AGO3: variants seen among roughly 807,000 people sequenced by gnomAD.
AGO3 encodes argonaute RISC catalytic component 3, also known as protein argonaute-3.
In AGO3, 16 loss-of-function variants were observed where a neutral mutation model predicts 105.5. That is an observed-to-expected ratio of 0.15 (90% CI 0.10 to 0.23). The LOEUF is 0.23. AGO3 is among the 10% of genes least tolerant of loss of function. AGO3 has a pLI of 1.00. For missense variants in AGO3, 534 were observed against 1,088.0 expected, an observed-to-expected ratio of 0.49 and a Z score of 7.16; for synonymous variants, 340 against 367.3, an observed-to-expected ratio of 0.93 and a Z score of 0.85.
At position 36,055,794 on chromosome 1, in the gene AGO3, ATACAACG is replaced by A; in HGVS notation, c.*52_*58del. The A allele has an allele frequency of 6.3e-7, 1 of 1,585,198 alleles. No homozygotes were observed. Among genetic ancestry groups the A allele is most frequent in the African/African-American group, 1.3e-5 (1 of 74,456 alleles). On this transcript the variant is annotated 3_prime_UTR_variant, in exon 19 of 19. Coordinates refer to ENST00000373191, the MANE Select transcript of AGO3 (RefSeq NM_024852.4). The surrounding 1 kb of genome is among the most constrained non-coding windows in gnomAD (Gnocchi z 4.4). ...AGGAAGTACTGAAAGATGAATTGAC[ATACAACG>A]TATGTTTCCAGTGAAGTCAATTGAG...
intron 5 of AGO3, among the ~76,000 whole-genome samples, chr1:35,987,938 C>T (rs1294868300): frequency 1.3e-5 from 2 of 151,420 alleles, no homozygotes; most frequent in Non-Finnish European, 3.0e-5. Flanking sequence ...CATGGTGGCG[C>T]ACACCTGTAA....
Position 36,033,092 on chromosome 1 carries a change from C to T in AGO3, c.1592-1082C>T, listed in dbSNP as rs186787754. Reference sequence around the variant, plus strand: ...AGGTTGCAGTGAACCGAGATTGCGCCGTTGCACTCCAGCCCTGGGCAACAA... The same window carrying T: ...AGGTTGCAGTGAACCGAGATTGCGCTGTTGCACTCCAGCCCTGGGCAACAA... On this transcript the variant is annotated intron_variant, in intron 12 of 18. Coordinates refer to ENST00000373191, the MANE Select transcript of AGO3 (RefSeq NM_024852.4). Among the ~76,000 whole-genome samples, 1,033 of 152,014 alleles carry T rather than the reference C, an allele frequency of 6.8e-3. 8 individuals carry two copies. Among genetic ancestry groups the T allele is most frequent in the African/African-American group, 0.023 (963 of 41,454 alleles).
chr1:35,970,194 C>CTTAG (rs1179935692), intron 3 of AGO3, among the ~76,000 whole-genome samples: 1 of 152,130 alleles, frequency 6.6e-6, no homozygotes, highest in Non-Finnish European at 1.5e-5. Flanking sequence ...GGTATATGTG[C>CTTAG]TTCTAAGCCC....
intron 5 of AGO3, among the ~76,000 whole-genome samples, chr1:36,003,726 ATATATATATATATG>A (rs1445085957): frequency 7.0e-6 from 1 of 142,592 alleles, no homozygotes; most frequent in East Asian, 2.0e-4. Context: ...ATATATATAT[ATATATATATATATG>A]TATATTTGTA....
At chr1:35,940,286 T>G (rs1243935707) in intron 1 of AGO3, among the ~76,000 whole-genome samples, 1 of 152,106 alleles carries the variant, frequency 6.6e-6, no homozygotes, top group African/African-American at 2.4e-5. Context: ...AGGCTGGTCT[T>G]GAACTCCTGA....
At chr1:36,035,099 G>A (rs1359992327) in intron 13 of AGO3, among the ~76,000 whole-genome samples, 1 of 152,132 alleles carries the variant, frequency 6.6e-6, no homozygotes, top group Non-Finnish European at 1.5e-5. Context: ...ATGTTTGTTT[G>A]ACACAAAAGT....
At chr1:35,942,268 T>C (rs1646269843) in intron 1 of AGO3, among the ~76,000 whole-genome samples, 1 of 152,230 alleles carries the variant, frequency 6.6e-6, no homozygotes, top group East Asian at 1.9e-4. Context: ...CTCATTCTTT[T>C]GATATATTGT....
intron 17 of AGO3, among the ~76,000 whole-genome samples, chr1:36,044,553 A>G (rs1373371397): frequency 1.3e-5 from 2 of 151,974 alleles, no homozygotes; most frequent in Non-Finnish European, 2.9e-5. Flanking sequence ...CCTCCCTAGT[A>G]GCTGGGATTA....
At chr1:36,019,352 A>G (rs890318970) in intron 11 of AGO3, among the ~76,000 whole-genome samples, 7 of 152,214 alleles carry the variant, frequency 4.6e-5, no homozygotes, top group Non-Finnish European at 1.0e-4. Flanking sequence ...TTTGTCATCA[A>G]TCTGAAACAT....
chr1:36,034,398 T>C, intron 13 of AGO3, 65 bp downstream of exon 13: 1 of 1,224,746 alleles, frequency 8.2e-7, no homozygotes, highest in South Asian at 2.1e-5. Context: ...TATATGACCA[T>C]ATCTAACTAC....
intron 12 of AGO3, among the ~76,000 whole-genome samples, chr1:36,030,863 T>C (rs1641742198): frequency 6.6e-6 from 1 of 152,224 alleles, no homozygotes; most frequent in Non-Finnish European, 1.5e-5. Flanking sequence ...TAAAAATTTT[T>C]GTAGTGTTTT....
chr1:36,037,476 A>G (rs1015189755), intron 14 of AGO3, among the ~76,000 whole-genome samples: 1 of 152,170 alleles, frequency 6.6e-6, no homozygotes, highest in African/African-American at 2.4e-5. Flanking sequence ...AGCTGAAATC[A>G]TGCCACTGCA....
intron 17 of AGO3, among the ~76,000 whole-genome samples, chr1:36,053,077 C>A (rs1188948110): frequency 6.6e-6 from 1 of 152,084 alleles, no homozygotes; most frequent in African/African-American, 2.4e-5. Context: ...TTAAAAATCA[C>A]AGAGGAGAAA....
At chr1:35,977,822 T>C (rs1188902324) in intron 5 of AGO3, among the ~76,000 whole-genome samples, 1 of 152,206 alleles carries the variant, frequency 6.6e-6, no homozygotes, top group Non-Finnish European at 1.5e-5. Flanking sequence ...TTTTTCTCCA[T>C]CTTTTTCAAG....
chr1:36,010,846 C>T (rs1390241814), intron 9 of AGO3, among the ~76,000 whole-genome samples: 1 of 128,544 alleles, frequency 7.8e-6, no homozygotes. Context: ...GCGCAGGTTG[C>T]GGTGAGTCGG....
rs1428614924 is a variant in AGO3, at chr1:36,065,623, C to T, written c.*9878C>T. ...CTCCATCTCAAAACAAACATACAAA[C>T]AAAAAAAGGTGCCTCTGGTCCTGTG... On this transcript the variant is annotated 3_prime_UTR_variant, in exon 19 of 19. Coordinates refer to ENST00000373191, the MANE Select transcript of AGO3 (RefSeq NM_024852.4). 2.6e-5 allele frequency: 4 copies of T among 151,632 alleles called. No individual in the cohort carries two copies. The highest frequency in any genetic ancestry group is 1.3e-4 in the Admixed American group (2 of 15,214). The allele number at this position is 151,632 out of a possible 1,614,324, so 9.4% of individuals were successfully genotyped here.
At chr1:35,991,063 G>A (rs1569649409) in intron 5 of AGO3, among the ~76,000 whole-genome samples, 1 of 152,164 alleles carries the variant, frequency 6.6e-6, no homozygotes, top group African/African-American at 2.4e-5. Flanking sequence ...ACCACTTATG[G>A]GAGGCCGAGG....
chr1:35,974,741 C>T (rs999709570), intron 5 of AGO3, among the ~76,000 whole-genome samples: 4 of 152,146 alleles, frequency 2.6e-5, no homozygotes, highest in Admixed American at 6.5e-5. Context: ...CTAGGGATTA[C>T]GAACTGGTAA....
intron 5 of AGO3, among the ~76,000 whole-genome samples, chr1:35,980,200 C>T (rs948536604): frequency 5.3e-5 from 8 of 152,116 alleles, no homozygotes; most frequent in Non-Finnish European, 1.0e-4. Context: ...TCCCTTCTTT[C>T]TACTAGTTTT....
Sources: allele counts gnomAD v4.1 joint callset (sites outside exome capture counted in the v4.1 genomes callset), GRCh38; gene constraint gnomAD v4.1.1; non-coding constraint Gnocchi (gnomAD v3.1); transcripts MANE v1.5; gene names NCBI Gene and HGNC (gene_info 2026-07-23, HGNC 2026-07-21).